Variants in LYN observed in about 807,000 individuals in gnomAD.
LYN encodes the protein tyrosine-protein kinase Lyn.
A neutral mutation model predicts 65.0 loss-of-function variants in LYN; 12 were observed. The ratio of observed to expected loss-of-function variants is 0.18; its 90% CI spans 0.12 to 0.30. LYN has a LOEUF of 0.30. Among genes scored for constraint, LYN ranks in the 10% least tolerant of loss-of-function variants. The probability of loss-of-function intolerance (pLI) is 1.00; values close to 1 mark genes in which losing one functional copy is unlikely to be tolerated. For missense variants in LYN, 380 were observed against 623.2 expected, an observed-to-expected ratio of 0.61 and a Z score of 4.16; for synonymous variants, 222 against 221.2, an observed-to-expected ratio of 1.00 and a Z score of -0.03.
chr8:55,914,145 G>T (rs2130418145), intron 1 of LYN, among the ~76,000 whole-genome samples: 1 of 152,000 alleles, frequency 6.6e-6, no homozygotes, highest in South Asian at 2.1e-4. Flanking sequence ...AAAGAAGAGG[G>T]AATATGAATG....
chr8:55,913,981 C>A (rs1048661984), intron 1 of LYN, among the ~76,000 whole-genome samples: 1 of 152,034 alleles, frequency 6.6e-6, no homozygotes, highest in Non-Finnish European at 1.5e-5. Context: ...TTGCTAAGCT[C>A]TATCAGATGA....
chr8:55,976,784 C>T (rs1285539107), intron 10 of LYN, among the ~76,000 whole-genome samples: 1 of 152,050 alleles, frequency 6.6e-6, no homozygotes, highest in Non-Finnish European at 1.5e-5. Flanking sequence ...GATGGGTCTT[C>T]AGTTGTAGGA....
chr8:55,887,632 CAG>C (rs1804841730), intron 1 of LYN, among the ~76,000 whole-genome samples: 4 of 114,224 alleles, frequency 3.5e-5, no homozygotes, highest in African/African-American at 9.4e-5. Flanking sequence ...TTTCCTGAGA[CAG>C]AGTCTTGCTC....
rs531995832 is a variant in LYN at position 56,007,897 on chromosome 8, C to T, written c.1337-2011C>T. Among the ~76,000 whole-genome samples, 5 of 152,078 alleles carry T rather than the reference C, an allele frequency of 3.3e-5. No homozygotes were observed. In the East Asian group the frequency reaches 5.8e-4, roughly 18 times the overall value. ...ACTTTGGGAGGCCGAGACAGGCAGA[C>T]GACTTCAGGTCAGGAGTTTGAGACC... On this transcript the variant is annotated intron_variant, in intron 12 of 12. Coordinates refer to ENST00000519728, the MANE Select transcript of LYN (RefSeq NM_002350.4).
chr8:55,899,611 T>A (rs1288617681), intron 1 of LYN, among the ~76,000 whole-genome samples: 1 of 152,238 alleles, frequency 6.6e-6, no homozygotes, highest in African/African-American at 2.4e-5. Context: ...AACAAGTGTG[T>A]GAAGTTGGTA....
chr8:55,971,037 G>C (rs1191997773), intron 10 of LYN, among the ~76,000 whole-genome samples: 1 of 152,216 alleles, frequency 6.6e-6, no homozygotes, highest in Non-Finnish European at 1.5e-5. Flanking sequence ...TTCCAGTAAA[G>C]GTGTGTGATG....
At chr8:55,913,390 A>T (rs1805696301) in intron 1 of LYN, among the ~76,000 whole-genome samples, 1 of 152,220 alleles carries the variant, frequency 6.6e-6, no homozygotes, top group Non-Finnish European at 1.5e-5. Context: ...AGTCTCATTC[A>T]GGGGCTGCCT....
chr8:56,004,583 C>A (rs892757990), intron 12 of LYN, among the ~76,000 whole-genome samples: 1 of 152,032 alleles, frequency 6.6e-6, no homozygotes, highest in African/African-American at 2.4e-5. Context: ...CATGAGCCAC[C>A]GTGTGCAGCC....
intron 2 of LYN, among the ~76,000 whole-genome samples, chr8:55,943,810 C>A (rs925052883): frequency 2.0e-5 from 3 of 151,942 alleles, no homozygotes; most frequent in Middle Eastern, 3.2e-3. Context: ...AGGCCAGGCA[C>A]GGTGGCTCAT....
intron 10 of LYN, among the ~76,000 whole-genome samples, chr8:55,997,917 T>C (rs1306301970): frequency 6.6e-6 from 1 of 151,818 alleles, no homozygotes; most frequent in Non-Finnish European, 1.5e-5. Flanking sequence ...ACCCCGTCTC[T>C]ACTAAAAATA....
intron 7 of LYN, 44 bp downstream of exon 7, chr8:55,952,159 A>G (rs1806969025): frequency 6.7e-7 from 1 of 1,502,016 alleles, no homozygotes; most frequent in Non-Finnish European, 9.0e-7. Flanking sequence ...TATATTTGTT[A>G]TGATATGTAT....
At chr8:55,951,443 T>A (rs1412661116) in intron 6 of LYN, among the ~76,000 whole-genome samples, 1 of 151,996 alleles carries the variant, frequency 6.6e-6, no homozygotes, top group Non-Finnish European at 1.5e-5. Context: ...AGACTGAGAA[T>A]CACTTGAACC....
intron 1 of LYN, among the ~76,000 whole-genome samples, chr8:55,930,051 G>A (rs1355643057): frequency 6.6e-6 from 1 of 152,192 alleles, no homozygotes; most frequent in Non-Finnish European, 1.5e-5. Context: ...AACTGCACAT[G>A]TGAGGGATCT....
chr8:55,898,931 C>T (rs1045551380), intron 1 of LYN, among the ~76,000 whole-genome samples: 2 of 152,108 alleles, frequency 1.3e-5, no homozygotes, highest in Non-Finnish European at 2.9e-5. Context: ...CTCACGCAAT[C>T]CTCCTGCCTC....
In LYN at chr8:55,946,499, T is replaced by G. The variant is rs1299436311; in HGVS notation, c.178+6T>G. The G allele has an allele frequency of 6.3e-7, 1 of 1,593,442 alleles. No homozygotes were observed. Among genetic ancestry groups the G allele is most frequent in the South Asian group, 1.1e-5 (1 of 89,896 alleles). On this transcript the variant is annotated splice_donor_region_variant and intron_variant, in intron 3 of 12. Coordinates refer to ENST00000519728, the MANE Select transcript of LYN (RefSeq NM_002350.4). ...ACAGAGGTTTCAAACTAAAGGTATG[T>G]TTTCATAGCAACATAGTTAAAATTT...
chr8:55,972,137 A>G (rs970342862), intron 10 of LYN, among the ~76,000 whole-genome samples: 2 of 152,222 alleles, frequency 1.3e-5, no homozygotes, highest in South Asian at 4.1e-4. Context: ...GGTGGAACCC[A>G]TAGTTCATCT....
intron 1 of LYN, among the ~76,000 whole-genome samples, chr8:55,923,734 T>C (rs1022085676): frequency 5.9e-5 from 9 of 152,112 alleles, no homozygotes; most frequent in Admixed American, 5.2e-4. Flanking sequence ...GAGATGAGGT[T>C]TCACCATGTT....
At chr8:55,985,358 C>T (rs1426275855) in intron 10 of LYN, among the ~76,000 whole-genome samples, 1 of 152,196 alleles carries the variant, frequency 6.6e-6, no homozygotes, top group Non-Finnish European at 1.5e-5. Flanking sequence ...CAGGAGCAGC[C>T]ACAGAGAGCA....
At chr8:55,997,588 T>C (rs1808406880) in intron 10 of LYN, among the ~76,000 whole-genome samples, 1 of 152,134 alleles carries the variant, frequency 6.6e-6, no homozygotes, top group South Asian at 2.1e-4. Context: ...TCTAATCACC[T>C]GCCAAGGCCC....
Sources: gnomAD v4.1 joint callset for allele counts (sites outside exome capture counted in the v4.1 genomes callset) on GRCh38, gnomAD v4.1.1 for gene constraint, MANE v1.5 for transcripts, NCBI Gene and HGNC (gene_info 2026-07-23, HGNC 2026-07-21) for gene names.